The following FAM76B variants were observed in gnomAD, a reference collection of about 807,000 sequenced individuals.
The protein encoded by FAM76B is protein FAM76B.
A neutral mutation model predicts 51.8 loss-of-function variants in FAM76B; 16 were observed. The ratio of observed to expected loss-of-function variants is 0.31; its 90% CI spans 0.21 to 0.47. The LOEUF (loss-of-function observed/expected upper bound fraction) is 0.47. Among genes scored for constraint, FAM76B ranks in the 20% least tolerant of loss-of-function variants. The pLI is 1.00. For missense variants in FAM76B, 342 were observed against 392.6 expected (o/e 0.87, Z 1.09); for synonymous variants, 166 against 129.5 (o/e 1.28, Z -1.91).
chr11:95,776,975 G>GTT (rs1029915224), intron 8 of FAM76B, among the ~76,000 whole-genome samples: 3 of 150,022 alleles, frequency 2.0e-5, no homozygotes, highest in African/African-American at 7.3e-5. Context: ...GTATAACTAA[G>GTT]TTCTCTCTCT....
chr11:95,785,411 A>C (rs1019319919), intron 4 of FAM76B, among the ~76,000 whole-genome samples: 2 of 152,256 alleles, frequency 1.3e-5, no homozygotes, highest in African/African-American at 4.8e-5. Flanking sequence ...GAGACTTTCC[A>C]GAAGTACTGA....
In FAM76B at chr11:95,789,700, G is replaced by A. The variant is rs1393092597; in HGVS notation, c.-222C>T. The A allele has an allele frequency of 6.0e-6, 3 of 500,014 alleles. No individual in the cohort carries two copies. Among genetic ancestry groups the A allele is most frequent in the Non-Finnish European group, 1.0e-5 (3 of 285,890 alleles). 31.0% of individuals were successfully genotyped at this position (500,014 alleles called of 1,614,324 possible). A position where few individuals can be genotyped will look rare whatever the true frequency, so the allele number is the denominator to read the frequency against. Reference sequence around the variant, plus strand: ...CAGCCCACCCAGTGACGCCGTGCCAGCCGCTCCCGCTTAGGCCCCGATAGC... The same window carrying A: ...CAGCCCACCCAGTGACGCCGTGCCAACCGCTCCCGCTTAGGCCCCGATAGC... On this transcript the variant is annotated 5_prime_UTR_variant, in exon 1 of 10. Coordinates refer to ENST00000358780, the MANE Select transcript of FAM76B (RefSeq NM_144664.5).
intron 9 of FAM76B, among the ~76,000 whole-genome samples, chr11:95,774,766 T>C (rs1859920761): frequency 2.0e-5 from 3 of 151,462 alleles, no homozygotes; most frequent in Admixed American, 6.6e-5. Context: ...GATGGGCATT[T>C]CCATAAATCA....
Position 95,789,534 on chromosome 11 carries a change from A to T in FAM76B, c.-56T>A. ...CCCGCTCCGAGGCGGGGCCCTACGG[A>T]GAACCCGAGAGCCGCCGCCGCCCGG... On this transcript the variant is annotated 5_prime_UTR_variant, in exon 1 of 10. Coordinates refer to ENST00000358780, the MANE Select transcript of FAM76B (RefSeq NM_144664.5). 6.6e-7 allele frequency: 1 copy of T among 1,506,666 alleles called. No individual in the cohort carries two copies. The highest frequency in any genetic ancestry group is 9.0e-7 in the Non-Finnish European group (1 of 1,114,960). The allele number at this position is 1,506,666 out of a possible 1,614,324, so 93.3% of individuals were successfully genotyped here.
chr11:95,775,912 TG>T lies in FAM76B; in HGVS notation c.930+9del. On this transcript the variant is annotated intron_variant, in intron 9 of 9. Coordinates refer to ENST00000358780, the MANE Select transcript of FAM76B (RefSeq NM_144664.5). ...CTTGCCTATCATTTTACGTAAATGA[TG>T]GTAGTTACCTGAAGTTGTTCCACAG... 6.5e-7 allele frequency: 1 copy of T among 1,534,450 alleles called. No individual in the cohort carries two copies. The highest frequency in any genetic ancestry group is 8.8e-7 in the Non-Finnish European group (1 of 1,137,554).
chr11:95,775,541 T>C (rs1358670241), intron 9 of FAM76B, among the ~76,000 whole-genome samples: 2 of 151,462 alleles, frequency 1.3e-5, no homozygotes, highest in African/African-American at 2.4e-5. Flanking sequence ...TTTCCCATTA[T>C]CTGGAAGGAA....
At chr11:95,781,348 G>C (rs1224423882) in intron 5 of FAM76B, among the ~76,000 whole-genome samples, 1 of 152,010 alleles carries the variant, frequency 6.6e-6, no homozygotes, top group African/African-American at 2.4e-5. Flanking sequence ...TTGAACTTAA[G>C]ATAGGACCCT....
intron 9 of FAM76B, among the ~76,000 whole-genome samples, chr11:95,773,182 C>T (rs1303271281): frequency 9.3e-5 from 14 of 151,088 alleles, no homozygotes; most frequent in Admixed American, 5.3e-4. Flanking sequence ...GTACAAAATA[C>T]AATAATTTGA....
intron 5 of FAM76B, among the ~76,000 whole-genome samples, chr11:95,781,223 G>C (rs1364175728): frequency 6.6e-6 from 1 of 151,836 alleles, no homozygotes; most frequent in Non-Finnish European, 1.5e-5. Flanking sequence ...TCTTTCTGAG[G>C]GTTGTCCATT....
At chr11:95,773,546 G>T (rs1358208528) in intron 9 of FAM76B, among the ~76,000 whole-genome samples, 2 of 149,428 alleles carry the variant, frequency 1.3e-5, no homozygotes. Flanking sequence ...GCAAAGGAAA[G>T]AATATCAGGA....
At chr11:95,787,735 C>A in intron 2 of FAM76B, 57 bp from the exon 3 acceptor site, 1 of 1,389,282 alleles carries the variant, frequency 7.2e-7, no homozygotes. Context: ...GTAATTAGCA[C>A]AATGTCAAAA....
At position 95,776,690 on chromosome 11, in the gene FAM76B, A is replaced by G. The variant is rs983615233; in HGVS notation, c.829-667T>C. Reference sequence around the variant, plus strand: ...GTGCTTTGAGGAAGAAGGCTACATGATAATTTTTCATAAATGACATACCTA... The same window carrying G: ...GTGCTTTGAGGAAGAAGGCTACATGGTAATTTTTCATAAATGACATACCTA... On this transcript the variant is annotated intron_variant, in intron 8 of 9. Transcript: ENST00000358780. Among the ~76,000 whole-genome samples the G allele has an allele frequency of 7.3e-5, 11 of 151,404 alleles. No individual in the cohort carries two copies. In the East Asian group the frequency reaches 1.5e-3, roughly 21 times the overall value.
Position 95,778,896 on chromosome 11 carries a change from A to G in FAM76B, c.754T>C (p.Leu252=), listed in dbSNP as rs1150360. 819,319 of 1,609,960 alleles carry G rather than the reference A, an allele frequency of 0.51. 215,218 individuals are homozygous for G. The highest frequency in any genetic ancestry group is 0.86 in the African/African-American group (64,551 of 74,762). The change falls in exon 8 of 10, where the codon TTG becomes CTG. Residue 252 remains leucine, a synonymous_variant. Transcript: ENST00000358780. The stretch of plus-strand genomic sequence containing the variant: ...TTAAGTGACATCACTTCTTCTTTCA[A>G]TTGACTTATAAGGACAAAATTGTCT... ...GTDNFVLISQ[L]KEEVMSLKRL...
In FAM76B at chr11:95,769,180, G is replaced by A. The variant is rs945236244; in HGVS notation, c.*2381C>T. On this transcript the variant is annotated 3_prime_UTR_variant, in exon 10 of 10. Transcript: ENST00000358780. ...GTCAAAATGACCCTTACTGGTAAAT[G>A]CTAATTAATAGTGGAAAACAGGCTA... 1.3e-5 allele frequency: 2 copies of A among 152,284 alleles called. No homozygotes were observed. The highest frequency in any genetic ancestry group is 2.9e-5 in the Non-Finnish European group (2 of 67,864). The allele number at this position is 152,284 out of a possible 1,614,324, so 9.4% of individuals were successfully genotyped here. A position where few individuals can be genotyped will look rare whatever the true frequency, so the allele number is the denominator to read the frequency against.
At position 95,769,192 on chromosome 11, in the gene FAM76B, T is replaced by C. The variant is rs1859665317; in HGVS notation, c.*2369A>G. The C allele has an allele frequency of 6.6e-6, 1 of 152,290 alleles. No homozygotes were observed. The highest frequency in any genetic ancestry group is 1.5e-5 in the Non-Finnish European group (1 of 67,860). 9.4% of individuals were successfully genotyped at this position (152,290 alleles called of 1,614,324 possible). A position where few individuals can be genotyped will look rare whatever the true frequency, so the allele number is the denominator to read the frequency against. On this transcript the variant is annotated 3_prime_UTR_variant, in exon 10 of 10. Transcript: ENST00000358780. ...CTTACTGGTAAATGCTAATTAATAGTGGAAAACAGGCTAAAAGCACAATAC... is the reference window on the plus strand; with the variant it reads ...CTTACTGGTAAATGCTAATTAATAGCGGAAAACAGGCTAAAAGCACAATAC...
chr11:95,786,639 T>C (rs1860604174), intron 3 of FAM76B: 1 of 166,746 alleles, frequency 6.0e-6, no homozygotes, highest in East Asian at 1.7e-4. Flanking sequence ...TCTACTAATA[T>C]CCTAGTTACC....
chr11:95,787,059 G>A (rs1860632180), intron 3 of FAM76B, among the ~76,000 whole-genome samples: 1 of 152,126 alleles, frequency 6.6e-6, no homozygotes, highest in African/African-American at 2.4e-5. Flanking sequence ...CCATAACCAA[G>A]AATTTGCTAT....
At chr11:95,774,848 C>G (rs1225529996) in intron 9 of FAM76B, among the ~76,000 whole-genome samples, 2 of 151,188 alleles carry the variant, frequency 1.3e-5, no homozygotes, top group Admixed American at 6.6e-5. Context: ...TTTCAACAGT[C>G]TTTGTAATAG....
intron 9 of FAM76B, among the ~76,000 whole-genome samples, chr11:95,774,869 A>T (rs1269207120): frequency 6.6e-6 from 1 of 151,266 alleles, no homozygotes; most frequent in Admixed American, 6.6e-5. Flanking sequence ...TATGATAGGG[A>T]TTAAGACCAG....
Sources: allele counts gnomAD v4.1 joint callset (sites outside exome capture counted in the v4.1 genomes callset), GRCh38; gene constraint gnomAD v4.1.1; transcripts MANE v1.5; gene names NCBI Gene and HGNC (gene_info 2026-07-23, HGNC 2026-07-21).